Variants in CDH3 observed in about 807,000 individuals in gnomAD.
CDH3 encodes the protein cadherin 3.
A neutral mutation model predicts 82.0 loss-of-function variants in CDH3; 54 were observed. The ratio of observed to expected loss-of-function variants is 0.66; its 90% CI spans 0.53 to 0.83. CDH3 has a LOEUF of 0.83. Among genes scored for constraint, CDH3 ranks in the 40% least tolerant of loss-of-function variants. The pLI is 0.00. For synonymous variants in CDH3, 446 were observed against 437.9 expected (o/e 1.02, Z -0.23); for missense variants, 1,054 against 1,084.6 (o/e 0.97, Z 0.40).
At position 68,698,664 on chromosome 16, in the gene CDH3, T is replaced by TA; in HGVS notation, c.*265dup. ...AGAGGCCAAGTTTCCAGAAGCCTCT[T>TA]ACCTGCCGTAAAATGCTCAACCCTG... On this transcript the variant is annotated 3_prime_UTR_variant, in exon 16 of 16. Transcript: ENST00000264012. 1.9e-6 allele frequency: 1 copy of TA among 531,530 alleles called. No individual in the cohort carries two copies. The highest frequency in any genetic ancestry group is 1.9e-5 in the African/African-American group (1 of 52,754). 32.9% of individuals were successfully genotyped at this position (531,530 alleles called of 1,614,324 possible).
At chr16:68,683,231 G>C (rs1489357593) in intron 9 of CDH3, among the ~76,000 whole-genome samples, 1 of 152,122 alleles carries the variant, frequency 6.6e-6, no homozygotes, top group Non-Finnish European at 1.5e-5. Flanking sequence ...TTGCTGTCCT[G>C]TTTTCTGCAA....
chr16:68,651,935 G>A (rs1046023405), intron 2 of CDH3: 2 of 365,306 alleles, frequency 5.5e-6, no homozygotes, highest in Non-Finnish European at 1.1e-5. Flanking sequence ...AGGGGCCCTT[G>A]TTGAATTGCA....
chr16:68,681,214 T>C (rs909880680), intron 8 of CDH3, 118 bp downstream of exon 8: 3 of 1,163,148 alleles, frequency 2.6e-6, no homozygotes, highest in Non-Finnish European at 1.3e-6. Context: ...ACTATGGCTG[T>C]GTGACCTTAG....
chr16:68,697,692 G>A (rs755716333), intron 15 of CDH3, among the ~76,000 whole-genome samples: 3 of 152,126 alleles, frequency 2.0e-5, no homozygotes, highest in Non-Finnish European at 4.4e-5. Context: ...AGCATGTAGC[G>A]CTTATTAGAT....
chr16:68,696,590 A>C (rs2152107443), intron 15 of CDH3: 1 of 168,754 alleles, frequency 5.9e-6, no homozygotes. Context: ...CCTGGGTGCA[A>C]CTTATGGCTG....
intron 2 of CDH3, among the ~76,000 whole-genome samples, chr16:68,671,514 A>C (rs1401607885): frequency 7.9e-6 from 1 of 126,346 alleles, no homozygotes; most frequent in Non-Finnish European, 1.7e-5. Context: ...TAATGAGTTC[A>C]TTTTACCTTT....
chr16:68,701,750 G>A (rs965800722), downstream of CDH3, among the ~76,000 whole-genome samples: 3 of 151,880 alleles, frequency 2.0e-5, no homozygotes, highest in African/African-American at 7.2e-5. Context: ...TTTGGGCCGG[G>A]CGCGGTGACT....
downstream of CDH3, among the ~76,000 whole-genome samples, chr16:68,731,511 CATAT>C (rs1445246607): frequency 0.16 from 8,673 of 54,722 alleles, 715 homozygotes; most frequent in Middle Eastern, 0.25. Flanking sequence ...TACACACACA[CATAT>C]ACACACACAC....
chr16:68,662,778 C>T (rs1230045515), intron 2 of CDH3, among the ~76,000 whole-genome samples: 1 of 151,228 alleles, frequency 6.6e-6, no homozygotes, highest in Non-Finnish European at 1.5e-5. Context: ...GATCTCCTGA[C>T]CTCGTGATCC....
chr16:68,657,250 G>A (rs1960430787), intron 2 of CDH3, among the ~76,000 whole-genome samples: 1 of 152,110 alleles, frequency 6.6e-6, no homozygotes, highest in Admixed American at 6.6e-5. Flanking sequence ...GTGATGGCTG[G>A]CACCTGTAAT....
rs968064597 is a variant in CDH3, at chr16:68,679,728, A to G, written c.692-71A>G. 1.1e-5 allele frequency: 11 copies of G among 999,550 alleles called. No individual in the cohort carries two copies. The South Asian group carries it at 1.5e-4, about 14-fold the overall frequency. 61.9% of individuals were successfully genotyped at this position (999,550 alleles called of 1,614,324 possible). ...AAAAAAAAAAAAAAAAGAAAAGAAA[A>G]AAAGAGTTCCAGAAGTAGACAGGGC... On this transcript the variant is annotated intron_variant, in intron 6 of 15. Coordinates refer to ENST00000264012, the MANE Select transcript of CDH3 (RefSeq NM_001793.6).
chr16:68,687,759 C>T (rs377733669), intron 12 of CDH3, 23 bp downstream of exon 12: 18 of 1,575,286 alleles, frequency 1.1e-5, no homozygotes, highest in Middle Eastern at 1.8e-4. Context: ...GTGGTGGTAG[C>T]GGGTGGGGTG....
intron 3 of CDH3, 106 bp from the exon 4 acceptor site, chr16:68,678,028 C>A: frequency 9.7e-7 from 1 of 1,034,088 alleles, no homozygotes; most frequent in Non-Finnish European, 1.5e-6. Context: ...GGATTATAGG[C>A]GTGAGCTACC....
At chr16:68,719,741 C>T (rs1479470260) in intron 1 of CDH3, among the ~76,000 whole-genome samples, 6 of 151,990 alleles carry the variant, frequency 3.9e-5, no homozygotes, top group Admixed American at 2.0e-4. Context: ...CCTCGTGATC[C>T]GCCCATCTTG....
At position 68,695,781 on chromosome 16, in the gene CDH3, A is replaced by G. The variant is rs762002665; in HGVS notation, c.2138A>G (p.Tyr713Cys). The G allele has an allele frequency of 1.3e-5, 21 of 1,613,898 alleles. No homozygotes were observed. The Middle Eastern group carries it at 1.6e-3, about 126-fold the overall frequency. The part of the protein sequence containing the change: ...EEGGGEEDQD[Y>C]DITQLHRGLE... ...CTCTCCTGCATTTCCCCACAGGACTATGACATCACCCAGCTCCACCGAGGT... is the reference window on the plus strand; with the variant it reads ...CTCTCCTGCATTTCCCCACAGGACTGTGACATCACCCAGCTCCACCGAGGT... The change falls in exon 15 of 16, where the codon TAT becomes TGT. Residue 713 changes from tyrosine (Y) to cysteine (C), a missense_variant. Coordinates refer to ENST00000264012, the MANE Select transcript of CDH3 (RefSeq NM_001793.6).
chr16:68,657,873 T>C (rs966607839), intron 2 of CDH3, among the ~76,000 whole-genome samples: 1 of 152,092 alleles, frequency 6.6e-6, no homozygotes, highest in Admixed American at 6.6e-5. Flanking sequence ...ACAACCTGTG[T>C]TGTACGCTAG....
intron 9 of CDH3, among the ~76,000 whole-genome samples, chr16:68,683,007 G>A (rs560339271): frequency 6.6e-6 from 1 of 152,256 alleles, no homozygotes; most frequent in East Asian, 1.9e-4. Flanking sequence ...CAGCACTTTA[G>A]GAGGCTGAGG....
Position 68,645,632 on chromosome 16 carries a change from G to A in CDH3, c.46-4G>A. Reference sequence around the variant, plus strand: ...CCTCCTTCACTCTCTGCCCTCGGGCGCAGGTTTGCTGGCTGCAGTGCGCGG... The same window carrying A: ...CCTCCTTCACTCTCTGCCCTCGGGCACAGGTTTGCTGGCTGCAGTGCGCGG... On this transcript the variant is annotated splice_region_variant and splice_polypyrimidine_tract_variant and intron_variant, in intron 1 of 15. Transcript: ENST00000264012. 1 of 1,540,652 alleles carries A rather than the reference G, an allele frequency of 6.5e-7. No homozygotes were observed.
Position 68,645,358 on chromosome 16 carries a change from C to T in CDH3, c.-22C>T, listed in dbSNP as rs775870227. The stretch of plus-strand genomic sequence containing the variant: ...CACCGGCCCGCCGTCGCGGCAGCTG[C>T]TTCACCCCTCTCTCTGCAGCCATGG... On this transcript the variant is annotated 5_prime_UTR_variant, in exon 1 of 16. Transcript: ENST00000264012. 1.9e-6 allele frequency: 3 copies of T among 1,611,714 alleles called. No homozygotes were observed. In the South Asian group the frequency reaches 3.3e-5, roughly 18 times the overall value.
Sources: allele counts gnomAD v4.1 joint callset (sites outside exome capture counted in the v4.1 genomes callset), GRCh38; gene constraint gnomAD v4.1.1; transcripts MANE v1.5; gene names NCBI Gene and HGNC (gene_info 2026-07-23, HGNC 2026-07-21).